Variants in RB1CC1 observed in about 807,000 individuals in gnomAD.
The protein encoded by RB1CC1 is RB1 inducible coiled-coil 1, also known as RB1-inducible coiled-coil protein 1.
Under a neutral mutation model 177.5 loss-of-function variants are expected in RB1CC1, and 46 were observed. That is an observed-to-expected ratio of 0.26 (90% CI 0.20 to 0.33). The LOEUF (loss-of-function observed/expected upper bound fraction) is 0.33. Among genes scored for constraint, RB1CC1 ranks in the 10% least tolerant of loss-of-function variants. RB1CC1 has a pLI of 1.00. For synonymous variants in RB1CC1, 666 were observed against 613.6 expected (o/e 1.09, Z -1.26); for missense variants, 1,703 against 1,816.3 (o/e 0.94, Z 1.13).
chr8:52,634,728 A>T (rs1316351475), intron 20 of RB1CC1, among the ~76,000 whole-genome samples, 193 bp downstream of exon 20: 2 of 152,292 alleles, frequency 1.3e-5, no homozygotes, highest in East Asian at 3.9e-4. Flanking sequence ...CTGACTCTAC[A>T]GTCAGGAGAT....
chr8:52,624,339 C>CTTT, intron 23 of RB1CC1, among the ~76,000 whole-genome samples: 1 of 151,968 alleles, frequency 6.6e-6, no homozygotes, highest in Non-Finnish European at 1.5e-5. Flanking sequence ...TTTACACTAC[C>CTTT]TTTCTTCAAT....
At chr8:52,648,190 C>A (rs1240867009) in intron 15 of RB1CC1, among the ~76,000 whole-genome samples, 1 of 151,580 alleles carries the variant, frequency 6.6e-6, no homozygotes, top group Admixed American at 6.6e-5. Flanking sequence ...CATAGGGTAT[C>A]TCATTTACTG....
intron 14 of RB1CC1, 33 bp from the exon 15 acceptor site, chr8:52,657,941 C>T (rs1166077065): frequency 1.9e-6 from 3 of 1,612,434 alleles, no homozygotes; most frequent in South Asian, 1.1e-5. Context: ...TAAAGAGCTG[C>T]AGGAACACAA....
At chr8:52,651,315 A>T (rs1850557340) in intron 15 of RB1CC1, among the ~76,000 whole-genome samples, 1 of 152,236 alleles carries the variant, frequency 6.6e-6, no homozygotes, top group Non-Finnish European at 1.5e-5. Flanking sequence ...GGGCAGGTAA[A>T]TCCAATCCGC....
chr8:52,700,208 A>G (rs1855923657), intron 1 of RB1CC1, among the ~76,000 whole-genome samples: 1 of 152,114 alleles, frequency 6.6e-6, no homozygotes, highest in African/African-American at 2.4e-5. Flanking sequence ...GGTAAGACAG[A>G]GCTGAGAAAA....
chr8:52,633,525 T>C (rs976190871), intron 20 of RB1CC1, among the ~76,000 whole-genome samples: 2 of 152,194 alleles, frequency 1.3e-5, no homozygotes, highest in African/African-American at 4.8e-5. Flanking sequence ...TATGTGATTT[T>C]TGCTGTTCAA....
At chr8:52,668,268 C>A (rs1351191355) in intron 7 of RB1CC1, 77 bp from the exon 8 acceptor site, 1 of 1,489,660 alleles carries the variant, frequency 6.7e-7, no homozygotes, top group East Asian at 2.3e-5. Flanking sequence ...TTCTGACATA[C>A]AGCTTGAGAG....
intron 6 of RB1CC1, among the ~76,000 whole-genome samples, chr8:52,674,877 T>C (rs1563421608): frequency 6.6e-6 from 1 of 152,076 alleles, no homozygotes; most frequent in Non-Finnish European, 1.5e-5. Context: ...TACAAAAAGA[T>C]TCACCATAGC....
At chr8:52,690,371 T>G (rs1455701680) in intron 1 of RB1CC1, among the ~76,000 whole-genome samples, 9 of 152,072 alleles carry the variant, frequency 5.9e-5, no homozygotes, top group Non-Finnish European at 4.4e-5. Context: ...GGGTATTCTG[T>G]GGGGGAAAAA....
chr8:52,645,930 A>G, intron 15 of RB1CC1, 63 bp from the exon 16 acceptor site: 1 of 1,458,154 alleles, frequency 6.9e-7, no homozygotes, highest in Non-Finnish European at 9.3e-7. Context: ...TATACCAAAT[A>G]TCATATTTGG....
intron 7 of RB1CC1, among the ~76,000 whole-genome samples, chr8:52,670,911 G>A (rs188567629): frequency 2.0e-5 from 3 of 151,604 alleles, no homozygotes; most frequent in East Asian, 3.9e-4. Context: ...AGCCGAGATC[G>A]TGCCAGTGCA....
intron 13 of RB1CC1, among the ~76,000 whole-genome samples, chr8:52,658,578 A>AG (rs1159184624): frequency 8.6e-5 from 8 of 93,494 alleles, no homozygotes; most frequent in African/African-American, 2.9e-4. Flanking sequence ...CTCCGTCTCA[A>AG]GAAAAAAAAA....
intron 8 of RB1CC1, among the ~76,000 whole-genome samples, chr8:52,662,317 C>G (rs999918294): frequency 6.6e-6 from 1 of 151,832 alleles, no homozygotes. Context: ...TTCTGTTTTT[C>G]TTAACTGTCC....
Position 52,656,155 on chromosome 8 carries a change from T to C in RB1CC1, c.3674A>G (p.Gln1225Arg). The change falls in exon 15 of 24, where the codon CAA (glutamine) becomes CGA (arginine). Residue 1225 changes from glutamine (Q) to arginine (R), a missense_variant. Around this residue, in one of 6 missense-constraint regions of RB1CC1, gnomAD observed 1,169 missense variants for 1,184.7 expected, o/e 0.99. Transcript: ENST00000025008. Reference protein sequence around the residue: ...DRQKLVSSQEQDREQLIQKLN... With the variant: ...DRQKLVSSQERDREQLIQKLN... ...CTTCTGAATTAACTGTTCTCTGTCT[T>C]GCTCCTGGCTGCTGACCAATTTTTG... is the stretch of plus-strand genomic sequence containing the variant. 2 of 1,613,884 alleles carry C rather than the reference T, an allele frequency of 1.2e-6. No homozygotes were observed. Among genetic ancestry groups the C allele is most frequent in the Non-Finnish European group, 1.7e-6 (2 of 1,179,878 alleles).
Position 52,623,321 on chromosome 8 carries a change from A to G in RB1CC1, c.*461T>C. The G allele has an allele frequency of 5.2e-6, 1 of 193,604 alleles. No individual in the cohort carries two copies. The highest frequency in any genetic ancestry group is 1.1e-5 in the Non-Finnish European group (1 of 92,668). 12.0% of individuals were successfully genotyped at this position (193,604 alleles called of 1,614,324 possible). ...TGCAATAACACTCCTCTTTATTTTA[A>G]ATAGTTCTGAATAATTTATACATTT... On this transcript the variant is annotated 3_prime_UTR_variant, in exon 24 of 24. Coordinates refer to ENST00000025008, the MANE Select transcript of RB1CC1 (RefSeq NM_014781.5).
chr8:52,674,432 A>G (rs1038355886), intron 6 of RB1CC1, among the ~76,000 whole-genome samples, 158 bp from the exon 7 acceptor site: 5 of 152,310 alleles, frequency 3.3e-5, no homozygotes, highest in African/African-American at 7.2e-5. Context: ...CTATTCACTA[A>G]AAGTCTAGTT....
At position 52,674,194 on chromosome 8, in the gene RB1CC1, C is replaced by G. The variant is rs144565916; in HGVS notation, c.653G>C (p.Gly218Ala). The stretch of plus-strand genomic sequence containing the variant: ...ATGTTCAGGTAAAGAATCCAGTCTT[C>G]CCAAACATTCTCTGTAACTATGTCT... ...LTRHSYRECLGRLDSLPEHED... is the reference protein window; with the variant it reads ...LTRHSYRECLARLDSLPEHED... The change falls in exon 7 of 24, where the codon GGA (glycine) becomes GCA (alanine). Residue 218 changes from glycine (G) to alanine (A), a missense_variant. Gly to Ala is a moderately conservative substitution (Grantham distance 60, BLOSUM62 0). Coordinates refer to ENST00000025008, the MANE Select transcript of RB1CC1 (RefSeq NM_014781.5). The G allele has an allele frequency of 1.2e-6, 2 of 1,612,578 alleles. No individual in the cohort carries two copies. The highest frequency in any genetic ancestry group is 2.7e-5 in the African/African-American group (2 of 74,888).
At chr8:52,649,063 AT>A (rs901361775) in intron 15 of RB1CC1, among the ~76,000 whole-genome samples, 2 of 152,198 alleles carry the variant, frequency 1.3e-5, no homozygotes, top group Non-Finnish European at 2.9e-5. Context: ...GGAATTGTTT[AT>A]TTCATTTAAT....
At chr8:52,672,456 T>C (rs1366427996) in intron 7 of RB1CC1, among the ~76,000 whole-genome samples, 1 of 152,096 alleles carries the variant, frequency 6.6e-6, no homozygotes, top group Non-Finnish European at 1.5e-5. Flanking sequence ...ACAGAAAAAA[T>C]GATAGGCCAG....
Sources: gnomAD v4.1 joint callset for allele counts (sites outside exome capture counted in the v4.1 genomes callset) on GRCh38, gnomAD v4.1.1 for gene constraint, gnomAD v4.1.1 regional missense constraint, MANE v1.5 for transcripts, NCBI Gene and HGNC (gene_info 2026-07-23, HGNC 2026-07-21) for gene names.